Variants in COL25A1 observed in about 807,000 individuals in gnomAD.
COL25A1 encodes collagen type XXV alpha 1 chain, also known as collagen alpha-1(XXV) chain.
A neutral mutation model predicts 128.4 loss-of-function variants in COL25A1; 103 were observed. The observed-to-expected ratio is 0.80, with a 90% CI of 0.68 to 0.94. COL25A1 has a LOEUF of 0.94. Among genes scored for constraint, COL25A1 ranks in the 40% least tolerant of loss-of-function variants. The probability of loss-of-function intolerance (pLI) is 0.00; values close to 1 mark genes in which losing one functional copy is unlikely to be tolerated. For synonymous variants in COL25A1, 279 were observed against 277.2 expected, an observed-to-expected ratio of 1.01 and a Z score of -0.06; for missense variants, 745 against 840.0, an observed-to-expected ratio of 0.89 and a Z score of 1.40.
chr4:108,851,819 T>C (rs1214855446), intron 26 of COL25A1, among the ~76,000 whole-genome samples: 1 of 152,118 alleles, frequency 6.6e-6, no homozygotes, highest in Non-Finnish European at 1.5e-5. Flanking sequence ...ATACTAAAAC[T>C]TTTCTTACTC....
At chr4:109,071,775 G>A (rs1019017016) in intron 3 of COL25A1, among the ~76,000 whole-genome samples, 14 of 152,158 alleles carry the variant, frequency 9.2e-5, no homozygotes, top group Admixed American at 3.3e-4. Context: ...TTAGAATGGC[G>A]ATCATTAAAA....
At chr4:109,083,526 G>T (rs978205748) in intron 3 of COL25A1, among the ~76,000 whole-genome samples, 1 of 131,498 alleles carries the variant, frequency 7.6e-6, no homozygotes, top group African/African-American at 2.9e-5. Context: ...GCAGTGGCGC[G>T]ATCTCGACTC....
intron 5 of COL25A1, among the ~76,000 whole-genome samples, chr4:109,014,805 G>C (rs75038714): frequency 0.053 from 8,034 of 152,276 alleles, 282 homozygotes; most frequent in African/African-American, 0.092. Flanking sequence ...GGTTGATAGA[G>C]ACGCTTCCCA....
rs1730577342 is a variant in COL25A1 at position 108,808,805 on chromosome 4, T to G, written c.*5122A>C. 6.6e-6 allele frequency: 1 copy of G among 152,174 alleles called. No homozygotes were observed. Among genetic ancestry groups the G allele is most frequent in the South Asian group, 2.1e-4 (1 of 4,830 alleles). The allele number at this position is 152,174 out of a possible 1,614,324, so 9.4% of individuals were successfully genotyped here. On this transcript the variant is annotated 3_prime_UTR_variant, in exon 38 of 38. Transcript: ENST00000399132. ...ATTAATATTGTAATAATTACACACT[T>G]TTTACATTATGAAAATAAGTCATAA...
intron 31 of COL25A1, among the ~76,000 whole-genome samples, chr4:108,836,517 C>T (rs1437626395): frequency 2.6e-5 from 4 of 151,940 alleles, no homozygotes; most frequent in Non-Finnish European, 4.4e-5. Flanking sequence ...GGAAACATGG[C>T]GAGACCCAAT....
intron 8 of COL25A1, among the ~76,000 whole-genome samples, chr4:108,954,596 C>G (rs1038416352): frequency 6.6e-6 from 1 of 151,876 alleles, no homozygotes; most frequent in South Asian, 2.1e-4. Context: ...AATGAGGGCT[C>G]AAAATATGCC....
intron 31 of COL25A1, 148 bp downstream of exon 31, chr4:108,841,547 G>A (rs1734466637): frequency 1.6e-6 from 1 of 617,934 alleles, no homozygotes; most frequent in African/African-American, 1.9e-5. Flanking sequence ...TTTGTGTTAT[G>A]AGATTTAAAC....
intron 3 of COL25A1, among the ~76,000 whole-genome samples, chr4:109,053,365 C>T (rs1441674844): frequency 6.6e-6 from 1 of 152,194 alleles, no homozygotes; most frequent in Non-Finnish European, 1.5e-5. Flanking sequence ...CAAAGGCAAG[C>T]CTCCTAAACC....
At chr4:109,282,771 A>G (rs1578632502) in intron 3 of COL25A1, among the ~76,000 whole-genome samples, 1 of 152,326 alleles carries the variant, frequency 6.6e-6, no homozygotes, top group South Asian at 2.1e-4. Flanking sequence ...CCTATAGGTA[A>G]TTATCAACAT....
chr4:109,092,441 G>A (rs192530060), intron 3 of COL25A1, among the ~76,000 whole-genome samples: 45 of 152,230 alleles, frequency 3.0e-4, no homozygotes, highest in African/African-American at 1.0e-3. Context: ...GTAAGCTATG[G>A]TCATGCCACT....
At chr4:108,942,263 C>A (rs768331432) in intron 8 of COL25A1, 42 of 1,550,250 alleles carry the variant, frequency 2.7e-5, no homozygotes, top group Non-Finnish European at 3.6e-5. Context: ...GGAAGCCTGG[C>A]AGGCCCTATG....
At chr4:109,133,325 C>T (rs1327491190) in intron 3 of COL25A1, among the ~76,000 whole-genome samples, 2 of 151,938 alleles carry the variant, frequency 1.3e-5, no homozygotes, top group Non-Finnish European at 2.9e-5. Flanking sequence ...AAACACTAGA[C>T]CTTATTGTAA....
intron 36 of COL25A1, among the ~76,000 whole-genome samples, chr4:108,817,681 T>A (rs144144568): frequency 7.9e-5 from 12 of 152,334 alleles, no homozygotes; most frequent in Admixed American, 2.0e-4. Flanking sequence ...TTATGCCTAA[T>A]TTTGAAAAAG....
chr4:109,118,359 T>TAATAA (rs1767794592), intron 3 of COL25A1, among the ~76,000 whole-genome samples: 1 of 125,684 alleles, frequency 8.0e-6, no homozygotes, highest in Non-Finnish European at 1.6e-5. Flanking sequence ...TTTTAAACAT[T>TAATAA]CGCACCACAA....
chr4:108,844,157 G>C (rs1281890674), intron 30 of COL25A1, among the ~76,000 whole-genome samples: 1 of 152,128 alleles, frequency 6.6e-6, no homozygotes, highest in Non-Finnish European at 1.5e-5. Flanking sequence ...CCAAAGTGTT[G>C]GCATGAGCCA....
intron 3 of COL25A1, among the ~76,000 whole-genome samples, chr4:109,184,860 A>G (rs1402567244): frequency 6.6e-6 from 1 of 152,146 alleles, no homozygotes; most frequent in Non-Finnish European, 1.5e-5. Flanking sequence ...GAGGAAACTC[A>G]TTCCTTATTC....
chr4:108,816,893 GAATA>G (rs1731301154), intron 37 of COL25A1, among the ~76,000 whole-genome samples: 1 of 152,144 alleles, frequency 6.6e-6, no homozygotes, highest in South Asian at 2.1e-4. Context: ...GAAGAGGCTA[GAATA>G]AACTGATGTC....
intron 3 of COL25A1, among the ~76,000 whole-genome samples, chr4:109,147,706 A>T (rs1449976495): frequency 2.0e-5 from 3 of 151,830 alleles, no homozygotes; most frequent in African/African-American, 7.3e-5. Context: ...AGTCCCGGCT[A>T]CTCAGGAGGC....
chr4:108,993,222 A>G (rs1036271967), intron 6 of COL25A1, among the ~76,000 whole-genome samples: 1 of 152,002 alleles, frequency 6.6e-6, no homozygotes, highest in African/African-American at 2.4e-5. Flanking sequence ...CTGCCATTCT[A>G]CCCTCTGCTT....
Sources: allele counts gnomAD v4.1 joint callset (sites outside exome capture counted in the v4.1 genomes callset), GRCh38; gene constraint gnomAD v4.1.1; transcripts MANE v1.5; gene names NCBI Gene and HGNC (gene_info 2026-07-23, HGNC 2026-07-21).